Variants in SOX6 observed in about 807,000 individuals in gnomAD.
SOX6 encodes transcription factor SOX-6.
SOX6 carries 11 observed loss-of-function variants against 97.8 expected under a neutral mutation model. The observed-to-expected ratio is 0.11, with a 90% CI of 0.07 to 0.19. The LOEUF is 0.19. Ranked by LOEUF, SOX6 falls within the 10% of genes least tolerant of loss-of-function variation. SOX6 has a pLI of 1.00. For synonymous variants in SOX6, 360 were observed against 371.4 expected, an observed-to-expected ratio of 0.97 and a Z score of 0.35; for missense variants, 810 against 1,039.5, an observed-to-expected ratio of 0.78 and a Z score of 3.04.
At chr11:16,318,217 C>T (rs1855808371) in intron 3 of SOX6, 3 of 555,286 alleles carry the variant, frequency 5.4e-6, no homozygotes, top group Admixed American at 3.0e-5. Flanking sequence ...AATTTGTTAT[C>T]TTAAGAACCA....
In SOX6 at chr11:15,967,864, T is replaced by C. The variant is rs1853184552; in HGVS notation, c.*4945A>G. On this transcript the variant is annotated 3_prime_UTR_variant, in exon 16 of 16. Coordinates refer to ENST00000683767, the MANE Select transcript of SOX6 (RefSeq NM_001367873.1). ...CCATGGACACTGATTAGAAGAGTTA[T>C]CTGCATTAAGCATTACCTTTCTGCC... is the stretch of plus-strand genomic sequence containing the variant. The C allele has an allele frequency of 6.6e-6, 1 of 152,174 alleles. No individual in the cohort carries two copies. Among genetic ancestry groups the C allele is most frequent in the African/African-American group, 2.4e-5 (1 of 41,438 alleles). 9.4% of individuals were successfully genotyped at this position (152,174 alleles called of 1,614,324 possible). A position where few individuals can be genotyped will look rare whatever the true frequency, so the allele number is the denominator to read the frequency against.
intron 9 of SOX6, among the ~76,000 whole-genome samples, chr11:16,081,602 C>T (rs554840215): frequency 6.6e-6 from 1 of 152,244 alleles, no homozygotes; most frequent in East Asian, 1.9e-4. Context: ...CGCTATGCAG[C>T]TCTTTGAAGG....
At chr11:16,446,623 C>T (rs10766323) in intron 1 of SOX6, among the ~76,000 whole-genome samples, 52,589 of 151,718 alleles carry the variant, frequency 0.35, 9,505 homozygotes, top group East Asian at 0.54. Flanking sequence ...CAAAACCAGG[C>T]GTGATGGTCA....
chr11:16,187,615 G>T (rs558516973), intron 4 of SOX6, among the ~76,000 whole-genome samples: 1 of 152,012 alleles, frequency 6.6e-6, no homozygotes, highest in Non-Finnish European at 1.5e-5. Flanking sequence ...GTTGCTTGGG[G>T]GGCTCTATCA....
At chr11:16,418,149 G>T (rs982866008) in intron 1 of SOX6, among the ~76,000 whole-genome samples, 9 of 151,994 alleles carry the variant, frequency 5.9e-5, no homozygotes, top group African/African-American at 1.9e-4. Flanking sequence ...ACTATATCCT[G>T]ATAAAACTAC....
intron 4 of SOX6, among the ~76,000 whole-genome samples, chr11:16,498,376 G>A (rs958236121): frequency 3.3e-5 from 5 of 152,102 alleles, no homozygotes; most frequent in Admixed American, 6.6e-5. Context: ...AAAGACCATC[G>A]AGGCTAGGAT....
intron 4 of SOX6, among the ~76,000 whole-genome samples, chr11:16,539,383 G>A (rs1057177347): frequency 7.2e-5 from 11 of 152,018 alleles, no homozygotes; most frequent in Non-Finnish European, 1.6e-4. Flanking sequence ...ATCTAAAATC[G>A]ACACCCTAAC....
intron 3 of SOX6, among the ~76,000 whole-genome samples, chr11:16,639,196 G>C (rs1350386109): frequency 6.6e-6 from 1 of 152,138 alleles, no homozygotes; most frequent in African/African-American, 2.4e-5. Flanking sequence ...TCTTGTTTTT[G>C]TCAGGTTTGT....
At chr11:16,672,253 T>A (rs1440603065) in intron 3 of SOX6, among the ~76,000 whole-genome samples, 1 of 152,214 alleles carries the variant, frequency 6.6e-6, no homozygotes, top group Non-Finnish European at 1.5e-5. Flanking sequence ...GCTGGCATGA[T>A]AACCAGCTAA....
At chr11:16,581,632 A>C (rs1436598939) in intron 4 of SOX6, among the ~76,000 whole-genome samples, 2 of 152,090 alleles carry the variant, frequency 1.3e-5, no homozygotes, top group Non-Finnish European at 2.9e-5. Context: ...AATGTGGTAC[A>C]TATACCCCAT....
chr11:16,382,148 T>A (rs534307936), intron 1 of SOX6: 1 of 152,130 alleles, frequency 6.6e-6, no homozygotes, highest in Non-Finnish European at 1.5e-5. Context: ...TCTCTGGATA[T>A]CACAGGGTTG....
chr11:16,426,835 A>C, intron 1 of SOX6, among the ~76,000 whole-genome samples: 1 of 134,124 alleles, frequency 7.5e-6, no homozygotes, highest in Non-Finnish European at 1.6e-5. Flanking sequence ...AATGGCGTGA[A>C]CCCGGGAGGC....
chr11:16,178,060 A>G (rs10832555), intron 6 of SOX6, among the ~76,000 whole-genome samples: 88,683 of 151,716 alleles, frequency 0.58, 26,865 homozygotes, highest in East Asian at 0.75. Context: ...AGGTTTTGGT[A>G]TGCTGAATGA....
intron 3 of SOX6, among the ~76,000 whole-genome samples, chr11:16,641,923 T>C (rs1848922108): frequency 1.3e-5 from 2 of 152,238 alleles, no homozygotes; most frequent in Admixed American, 6.5e-5. Context: ...GTTAATATTG[T>C]TATGTGTGAA....
At chr11:16,569,868 C>CAA (rs34604334) in intron 4 of SOX6, among the ~76,000 whole-genome samples, 6 of 84,802 alleles carry the variant, frequency 7.1e-5, no homozygotes, top group African/African-American at 1.2e-4. Flanking sequence ...GACTCCGTCT[C>CAA]AAAAAAAAAA....
At chr11:16,624,291 G>A (rs1022515292) in intron 3 of SOX6, among the ~76,000 whole-genome samples, 6 of 151,864 alleles carry the variant, frequency 4.0e-5, no homozygotes, top group Non-Finnish European at 7.4e-5. Context: ...GGGTTTGAAC[G>A]ATTCTCCTGC....
At chr11:16,631,461 G>A (rs11023998) in intron 3 of SOX6, among the ~76,000 whole-genome samples, 1 of 152,286 alleles carries the variant, frequency 6.6e-6, no homozygotes, top group East Asian at 1.9e-4. Context: ...TCCACTGTTA[G>A]CCTGATGGGA....
At chr11:16,653,820 G>T (rs900671688) in intron 3 of SOX6, among the ~76,000 whole-genome samples, 2 of 151,966 alleles carry the variant, frequency 1.3e-5, no homozygotes, top group Non-Finnish European at 2.9e-5. Flanking sequence ...GCTGTCTAAA[G>T]TTTTACATTT....
At chr11:16,118,196 C>G (rs1406191622) in intron 6 of SOX6, among the ~76,000 whole-genome samples, 1 of 152,216 alleles carries the variant, frequency 6.6e-6, no homozygotes, top group Non-Finnish European at 1.5e-5. Context: ...GAAACCCCAT[C>G]ACGGGTGAAG....
Sources: gnomAD v4.1 joint callset for allele counts (sites outside exome capture counted in the v4.1 genomes callset) on GRCh38, gnomAD v4.1.1 for gene constraint, MANE v1.5 for transcripts, NCBI Gene and HGNC (gene_info 2026-07-23, HGNC 2026-07-21) for gene names.